Variants in PCDHGA12 observed in about 807,000 individuals in gnomAD.
PCDHGA12 encodes protocadherin gamma-A12.
PCDHGA12 carries 43 observed loss-of-function variants against 61.1 expected under a neutral mutation model. The ratio of observed to expected loss-of-function variants is 0.70; its 90% CI spans 0.55 to 0.91. The LOEUF (loss-of-function observed/expected upper bound fraction) is 0.91. Among genes scored for constraint, PCDHGA12 ranks in the 40% least tolerant of loss-of-function variants. The probability of loss-of-function intolerance (pLI) is 0.00; values close to 1 mark genes in which losing one functional copy is unlikely to be tolerated. For missense variants in PCDHGA12, 1,236 were observed against 1,227.7 expected, an observed-to-expected ratio of 1.01 and a Z score of -0.10; for synonymous variants, 520 against 542.9, an observed-to-expected ratio of 0.96 and a Z score of 0.59.
chr5:141,430,874 C>A lies in PCDHGA12; in HGVS notation c.115C>A (p.Leu39Met). The A allele has an allele frequency of 1.3e-6, 2 of 1,598,990 alleles. No individual in the cohort carries two copies. The highest frequency in any genetic ancestry group is 4.5e-5 in the East Asian group (2 of 44,796). ...GATACGCTATTCAGTTCCGGAAGAG[C>A]TGGAGAAAGGCTCTAGGGTGGGCGA... ...TQIRYSVPEE[L>M]EKGSRVGDIS... is the part of the protein sequence containing the mutation. Residue 39 changes from leucine to methionine, a missense_variant, in exon 1 of 4, where the codon CTG becomes ATG. Transcript: ENST00000252085.
intron 2 of PCDHGA12, among the ~76,000 whole-genome samples, chr5:141,503,393 G>A (rs954734829): frequency 2.0e-5 from 3 of 151,824 alleles, no homozygotes; most frequent in African/African-American, 4.8e-5. Flanking sequence ...TCAGGAGTTC[G>A]AAACCAACCT....
chr5:141,485,714 G>A lies in PCDHGA12; in HGVS notation c.2425-9093G>A. 6.2e-7 allele frequency: 1 copy of A among 1,614,182 alleles called. No individual in the cohort carries two copies. The highest frequency in any genetic ancestry group is 8.5e-7 in the Non-Finnish European group (1 of 1,180,042). On this transcript the variant is annotated intron_variant, in intron 1 of 3. Transcript: ENST00000252085. This position sits in a 1 kb window ranked among gnomAD's most constrained non-coding sequence, Gnocchi z 5.7. ...GAGCTCCAATGAACACTTTGCACTG[G>A]ATGTGAAGAAGCGCAGCGACGGCAG...
chr5:141,442,006 G>A (rs540427406), intron 1 of PCDHGA12: 77 of 229,074 alleles, frequency 3.4e-4, no homozygotes, highest in African/African-American at 1.6e-3. Context: ...CTGACAGCTC[G>A]CACGATGGGC....
Position 141,476,656 on chromosome 5 carries a change from T to G in PCDHGA12, c.2425-18151T>G, listed in dbSNP as rs190269177. On this transcript the variant is annotated intron_variant, in intron 1 of 3. Transcript: ENST00000252085. The surrounding 1 kb of genome is among the most constrained non-coding windows in gnomAD (Gnocchi z 7.6). ...ATGAGCTGAGCCGAAATGAATACTTTGCGCTTCGCGTGCAGACGCGGGAGG... is the reference window on the plus strand; with the variant it reads ...ATGAGCTGAGCCGAAATGAATACTTGGCGCTTCGCGTGCAGACGCGGGAGG... The G allele has an allele frequency of 1.2e-6, 2 of 1,614,210 alleles. No individual in the cohort carries two copies. The highest frequency in any genetic ancestry group is 1.7e-6 in the Non-Finnish European group (2 of 1,180,044).
intron 1 of PCDHGA12, among the ~76,000 whole-genome samples, chr5:141,448,614 A>G (rs985924011): frequency 1.3e-5 from 2 of 152,070 alleles, no homozygotes; most frequent in East Asian, 1.9e-4. Flanking sequence ...ACCACTTTAT[A>G]TCTTCCTTTC....
Position 141,490,943 on chromosome 5 carries a change from G to A in PCDHGA12, c.2425-3864G>A, listed in dbSNP as rs1035375216. The A allele has an allele frequency of 6.8e-6, 11 of 1,613,470 alleles. No homozygotes were observed. The East Asian group carries it at 1.1e-4, about 16-fold the overall frequency. On this transcript the variant is annotated intron_variant, in intron 1 of 3. Coordinates refer to ENST00000252085, the MANE Select transcript of PCDHGA12 (RefSeq NM_003735.3). This position sits in a 1 kb window ranked among gnomAD's most constrained non-coding sequence, Gnocchi z 5.4. Reference sequence around the variant, plus strand: ...AATGCCCCAGCTGTGCTGCACCCACGGCCAGACTGGGAACACTCAGCCCCC... The same window carrying A: ...AATGCCCCAGCTGTGCTGCACCCACAGCCAGACTGGGAACACTCAGCCCCC...
intron 1 of PCDHGA12, among the ~76,000 whole-genome samples, chr5:141,465,788 T>A (rs1322471400): frequency 6.6e-6 from 1 of 152,110 alleles, no homozygotes; most frequent in Non-Finnish European, 1.5e-5. Context: ...AGTTTTTTTT[T>A]TTTTAAGAAA....
chr5:141,456,042 C>T (rs1437027249), intron 1 of PCDHGA12, among the ~76,000 whole-genome samples: 3 of 151,886 alleles, frequency 2.0e-5, no homozygotes, highest in Non-Finnish European at 2.9e-5. Flanking sequence ...GGACTACAGG[C>T]GCCCACCACC....
intron 1 of PCDHGA12, among the ~76,000 whole-genome samples, chr5:141,437,771 A>G (rs971065583): frequency 7.9e-5 from 12 of 151,238 alleles, no homozygotes; most frequent in Admixed American, 6.6e-5. Context: ...CAGAGTCTCA[A>G]TCTGTCGCCA....
At chr5:141,439,009 G>T (rs1474312524) in intron 1 of PCDHGA12, among the ~76,000 whole-genome samples, 1 of 151,594 alleles carries the variant, frequency 6.6e-6, no homozygotes, top group Non-Finnish European at 1.5e-5. Flanking sequence ...TGGTTTGTTT[G>T]TCAAATTTTG....
In PCDHGA12 at chr5:141,430,521, A is replaced by G; in HGVS notation, c.-239A>G. On this transcript the variant is annotated 5_prime_UTR_variant, in exon 1 of 4. Coordinates refer to ENST00000252085, the MANE Select transcript of PCDHGA12 (RefSeq NM_003735.3). ...TCTGGGAGTTCAAGATTGTGCAGTA[A>G]TTGGTTAGGACTCTGAGCGCCGCTG... The G allele has an allele frequency of 2.9e-6, 1 of 350,390 alleles. No individual in the cohort carries two copies. Among genetic ancestry groups the G allele is most frequent in the Non-Finnish European group, 5.1e-6 (1 of 196,636 alleles). The allele number at this position is 350,390 out of a possible 1,614,324, so 21.7% of individuals were successfully genotyped here. A position where few individuals can be genotyped will look rare whatever the true frequency, so the allele number is the denominator to read the frequency against.
intron 1 of PCDHGA12, among the ~76,000 whole-genome samples, chr5:141,462,030 T>C (rs1283795051): frequency 3.9e-5 from 6 of 152,122 alleles, no homozygotes; most frequent in Non-Finnish European, 8.8e-5. Flanking sequence ...TTCATGTTGG[T>C]CAGGCGGGTC....
chr5:141,468,226 G>T (rs967204965), intron 1 of PCDHGA12, among the ~76,000 whole-genome samples: 2 of 151,038 alleles, frequency 1.3e-5, no homozygotes, highest in Admixed American at 1.3e-4. Flanking sequence ...TTGGGAGGAT[G>T]AGGTAGGAGA....
At chr5:141,435,954 G>A (rs1163590812) in intron 1 of PCDHGA12, among the ~76,000 whole-genome samples, 2 of 152,092 alleles carry the variant, frequency 1.3e-5, no homozygotes, top group African/African-American at 2.4e-5. Flanking sequence ...AAAAAAGGGG[G>A]CAAAATATAG....
chr5:141,482,071 A>G (rs2099551527), intron 1 of PCDHGA12, among the ~76,000 whole-genome samples: 1 of 145,394 alleles, frequency 6.9e-6, no homozygotes, highest in Non-Finnish European at 1.5e-5. Flanking sequence ...GGCAACAAGA[A>G]CAAAACTCAC....
chr5:141,481,182 G>T (rs2099533183), intron 1 of PCDHGA12, among the ~76,000 whole-genome samples: 1 of 152,180 alleles, frequency 6.6e-6, no homozygotes, highest in Non-Finnish European at 1.5e-5. Flanking sequence ...AGCTTTATTG[G>T]GCCAGGCCCA....
At chr5:141,497,284 A>G (rs1486878285) in intron 2 of PCDHGA12, among the ~76,000 whole-genome samples, 1 of 152,104 alleles carries the variant, frequency 6.6e-6, no homozygotes, top group South Asian at 2.1e-4. Context: ...TGTTCCCTCT[A>G]CCTACCACCA....
At chr5:141,451,170 A>G (rs960062747) in intron 1 of PCDHGA12, among the ~76,000 whole-genome samples, 8 of 152,148 alleles carry the variant, frequency 5.3e-5, no homozygotes, top group East Asian at 3.9e-4. Flanking sequence ...GTAGTATATT[A>G]TTTAGCCATT....
intron 1 of PCDHGA12, chr5:141,478,721 C>A: frequency 6.5e-7 from 1 of 1,543,216 alleles, no homozygotes; most frequent in Non-Finnish European, 8.8e-7. Context: ...TGGTGGCCTG[C>A]CAGAGTGTGG....
Sources: gnomAD v4.1 joint callset for allele counts (sites outside exome capture counted in the v4.1 genomes callset) on GRCh38, gnomAD v4.1.1 for gene constraint, Gnocchi (gnomAD v3.1) non-coding constraint, MANE v1.5 for transcripts, NCBI Gene and HGNC (gene_info 2026-07-23, HGNC 2026-07-21) for gene names.